The following ADARB2 variants were observed in gnomAD, a reference collection of about 807,000 sequenced individuals.
ADARB2 encodes the protein adenosine deaminase RNA specific B2 (inactive).
A neutral mutation model predicts 62.2 loss-of-function variants in ADARB2; 25 were observed. That is an observed-to-expected ratio of 0.40 (90% CI 0.29 to 0.56). The LOEUF is 0.56. Ranked by LOEUF, ADARB2 falls within the 20% of genes least tolerant of loss-of-function variation. The probability of loss-of-function intolerance (pLI) is 0.43; values close to 1 mark genes in which losing one functional copy is unlikely to be tolerated. For missense variants in ADARB2, 1,071 were observed against 1,077.4 expected, an observed-to-expected ratio of 0.99 and a Z score of 0.08; for synonymous variants, 572 against 500.8, an observed-to-expected ratio of 1.14 and a Z score of -1.90.
intron 1 of ADARB2, among the ~76,000 whole-genome samples, chr10:1,656,447 T>C (rs1386863241): frequency 6.6e-6 from 1 of 152,116 alleles, no homozygotes; most frequent in African/African-American, 2.4e-5. Flanking sequence ...CAACATCTGA[T>C]ATTTTTGGGG....
intron 1 of ADARB2, among the ~76,000 whole-genome samples, chr10:1,583,135 A>G (rs73592166): frequency 0.03 from 4,501 of 152,306 alleles, 226 homozygotes; most frequent in African/African-American, 0.1. Flanking sequence ...TTGGGACTTC[A>G]TGCCATAGAT....
chr10:1,188,918 C>T (rs1489041999), intron 8 of ADARB2, among the ~76,000 whole-genome samples: 1 of 152,234 alleles, frequency 6.6e-6, no homozygotes, highest in Non-Finnish European at 1.5e-5. Flanking sequence ...CAGAAGTTTC[C>T]TTCTCCAGTG....
chr10:1,225,257 T>G (rs11250345), intron 6 of ADARB2, among the ~76,000 whole-genome samples: 45,664 of 151,998 alleles, frequency 0.3, 7,946 homozygotes, highest in African/African-American at 0.47. Context: ...TTTTTTGTTT[T>G]CCATTTGCTT....
intron 1 of ADARB2, among the ~76,000 whole-genome samples, chr10:1,616,470 C>T (rs1269353351): frequency 5.3e-5 from 8 of 151,102 alleles, no homozygotes; most frequent in Admixed American, 5.3e-4. Context: ...CGTCCAGACA[C>T]ACTCCACACC....
At chr10:1,423,715 T>C (rs1472965826) in intron 1 of ADARB2, among the ~76,000 whole-genome samples, 1 of 151,992 alleles carries the variant, frequency 6.6e-6, no homozygotes, top group Non-Finnish European at 1.5e-5. Context: ...AGGTCCACTA[T>C]GTATGCAGTA....
intron 3 of ADARB2, among the ~76,000 whole-genome samples, chr10:1,326,534 T>G (rs1038925459): frequency 6.6e-6 from 1 of 152,244 alleles, no homozygotes; most frequent in African/African-American, 2.4e-5. Context: ...TGTTTTTATA[T>G]GAACTTGGGA....
chr10:1,481,350 G>A (rs143188821), intron 1 of ADARB2, among the ~76,000 whole-genome samples: 10 of 152,212 alleles, frequency 6.6e-5, no homozygotes, highest in South Asian at 6.2e-4. Context: ...TATAGAACTC[G>A]TAGAAAAGCT....
chr10:1,700,031 G>A (rs75524265), intron 1 of ADARB2, among the ~76,000 whole-genome samples: 2 of 9,674 alleles, frequency 2.1e-4, no homozygotes, highest in Non-Finnish European at 4.1e-4. Context: ...CCAGGAGACC[G>A]GGCACTCGCC....
intron 1 of ADARB2, among the ~76,000 whole-genome samples, chr10:1,485,982 G>T (rs1831538681): frequency 6.6e-6 from 1 of 152,166 alleles, no homozygotes; most frequent in Non-Finnish European, 1.5e-5. Context: ...AGGCTTGGCA[G>T]GGAATTAAAA....
At chr10:1,725,570 C>CA (rs2119039031) in intron 1 of ADARB2, among the ~76,000 whole-genome samples, 1 of 152,054 alleles carries the variant, frequency 6.6e-6, no homozygotes, top group South Asian at 2.1e-4. Context: ...GAAAGCCCCC[C>CA]ACCACCCAGA....
At chr10:1,496,828 A>C (rs1831698748) in intron 1 of ADARB2, among the ~76,000 whole-genome samples, 1 of 152,186 alleles carries the variant, frequency 6.6e-6, no homozygotes. Context: ...TCATTATGTA[A>C]CTTAACTTTC....
At chr10:1,301,217 A>G (rs1300138175) in intron 3 of ADARB2, among the ~76,000 whole-genome samples, 2 of 152,254 alleles carry the variant, frequency 1.3e-5, no homozygotes, top group East Asian at 3.8e-4. Flanking sequence ...TGTGCGTGCT[A>G]ATTTTAAAGA....
chr10:1,400,961 G>A (rs1260491522), intron 1 of ADARB2, among the ~76,000 whole-genome samples: 1 of 152,190 alleles, frequency 6.6e-6, no homozygotes, highest in Non-Finnish European at 1.5e-5. Context: ...GAGGGAAGAA[G>A]GCCTGAGAAT....
chr10:1,727,882 G>GAATA (rs1835187269), intron 1 of ADARB2, among the ~76,000 whole-genome samples: 1 of 152,070 alleles, frequency 6.6e-6, no homozygotes, highest in Non-Finnish European at 1.5e-5. Context: ...ATTTACACAT[G>GAATA]AATAAATAAA....
intron 7 of ADARB2, chr10:1,215,822 C>G (rs2131753231): frequency 6.6e-6 from 1 of 152,384 alleles, no homozygotes; most frequent in South Asian, 2.1e-4. Flanking sequence ...ACCAAAGTTA[C>G]AGAAATGTCC....
intron 1 of ADARB2, among the ~76,000 whole-genome samples, chr10:1,611,434 T>C (rs1174400096): frequency 6.6e-6 from 1 of 152,218 alleles, no homozygotes. Context: ...AGCAGCTGCC[T>C]GGATGAAATT....
At chr10:1,726,933 A>C (rs1835174961) in intron 1 of ADARB2, among the ~76,000 whole-genome samples, 1 of 152,180 alleles carries the variant, frequency 6.6e-6, no homozygotes, top group Admixed American at 6.5e-5. Flanking sequence ...ACCACGGAGA[A>C]GGCAAACCAC....
intron 1 of ADARB2, among the ~76,000 whole-genome samples, chr10:1,692,095 A>T (rs1342974278): frequency 6.6e-6 from 1 of 152,206 alleles, no homozygotes; most frequent in South Asian, 2.1e-4. Context: ...TCTGAATCCC[A>T]TTGTGTGTTC....
At chr10:1,421,297 T>C (rs1832851015) in intron 1 of ADARB2, among the ~76,000 whole-genome samples, 1 of 151,778 alleles carries the variant, frequency 6.6e-6, no homozygotes, top group African/African-American at 2.4e-5. Flanking sequence ...GGTCAGGATC[T>C]GCAGGACCTA....
Sources: allele counts gnomAD v4.1 joint callset (sites outside exome capture counted in the v4.1 genomes callset), GRCh38; gene constraint gnomAD v4.1.1; transcripts MANE v1.5; gene names NCBI Gene and HGNC (gene_info 2026-07-23, HGNC 2026-07-21).